UBXN10: variants seen among roughly 807,000 people sequenced by gnomAD.
UBXN10 encodes the protein UBX domain-containing protein 10.
A neutral mutation model predicts 6.9 loss-of-function variants in UBXN10; 6 were observed. The ratio of observed to expected loss-of-function variants is 0.87; its 90% CI spans 0.48 to 1.72. UBXN10 has a LOEUF of 1.72. Ranked by LOEUF, UBXN10 falls within the 40% of genes most tolerant of loss-of-function variation. The pLI, the probability that UBXN10 is intolerant of heterozygous loss-of-function variation, is 0.01. For missense variants in UBXN10, 317 were observed against 348.4 expected, an observed-to-expected ratio of 0.91 and a Z score of 0.72; for synonymous variants, 131 against 135.2, an observed-to-expected ratio of 0.97 and a Z score of 0.21.
upstream of UBXN10, among the ~76,000 whole-genome samples, chr1:20,183,677 T>C (rs973758507): frequency 2.6e-5 from 4 of 152,030 alleles, no homozygotes; most frequent in Admixed American, 2.0e-4. Flanking sequence ...GGAAAGGGCT[T>C]CACGGAAGAG....
At chr1:20,186,807 T>A (rs1205020146) in intron 1 of UBXN10, among the ~76,000 whole-genome samples, 2 of 149,940 alleles carry the variant, frequency 1.3e-5, no homozygotes, top group African/African-American at 2.5e-5. Flanking sequence ...GAACTGGGAA[T>A]GGTACCAGAG....
Position 20,191,395 on chromosome 1 carries a change from G to A in UBXN10, c.834G>A (p.Gly278=). ...GCATCTCACTGGAAGATGGGGAAGGGTGGCCCTGAGTCCACAGCCACCCAG... is the reference window on the plus strand; with the variant it reads ...GCATCTCACTGGAAGATGGGGAAGGATGGCCCTGAGTCCACAGCCACCCAG... ...VLGISLEDGE[G]WP The change falls in exon 2 of 2, where the codon GGG becomes GGA. Residue 278 remains glycine (G), a synonymous_variant. Transcript: ENST00000375099. The surrounding 1 kb of genome is among the most constrained non-coding windows in gnomAD (Gnocchi z 4.5). 6.2e-7 allele frequency: 1 copy of A among 1,608,496 alleles called. No homozygotes were observed. The highest frequency in any genetic ancestry group is 2.2e-5 in the East Asian group (1 of 44,748).
At chr1:20,184,127 A>G (rs1258191420), upstream of UBXN10, 1 of 152,206 alleles carries the variant, frequency 6.6e-6, no homozygotes, top group Non-Finnish European at 1.5e-5. Context: ...CGTTAACTGC[A>G]TGTACTGCTG....
At chr1:20,186,441 G>C (rs991878971) in intron 1 of UBXN10, 22 of 152,420 alleles carry the variant, frequency 1.4e-4, no homozygotes, top group African/African-American at 4.8e-4. Flanking sequence ...TCCAGGCTGG[G>C]ATGTAGCGAC....
intron 1 of UBXN10, among the ~76,000 whole-genome samples, chr1:20,186,676 C>T (rs538576614): frequency 1.3e-4 from 20 of 152,364 alleles, no homozygotes; most frequent in African/African-American, 4.1e-4. Context: ...CACCACCTCC[C>T]TGCCCTTCTG....
In UBXN10 at chr1:20,194,955, A is replaced by G. The variant is rs1037072536; in HGVS notation, c.*3551A>G. 5 of 167,232 alleles carry G rather than the reference A, an allele frequency of 3.0e-5. No individual in the cohort carries two copies. In the East Asian group the frequency reaches 5.8e-4, roughly 19 times the overall value. 10.4% of individuals were successfully genotyped at this position (167,232 alleles called of 1,614,324 possible). On this transcript the variant is annotated 3_prime_UTR_variant, in exon 2 of 2. Transcript: ENST00000375099. ...CGAGCCTATTGACTCTCATCCAGAA[A>G]CCAGAACCAACCAAACCCCACCATA...
In UBXN10 at chr1:20,192,575, C is replaced by T; in HGVS notation, c.*1171C>T. Reference sequence around the variant, plus strand: ...GTGGACAGTTTGCCAATGTTCTCTTCTATTGCAAGTTCAGCCAGACTCCAT... The same window carrying T: ...GTGGACAGTTTGCCAATGTTCTCTTTTATTGCAAGTTCAGCCAGACTCCAT... On this transcript the variant is annotated 3_prime_UTR_variant, in exon 2 of 2. Coordinates refer to ENST00000375099, the MANE Select transcript of UBXN10 (RefSeq NM_152376.5). 6.0e-6 allele frequency: 1 copy of T among 167,230 alleles called. No individual in the cohort carries two copies. The allele number at this position is 167,230 out of a possible 1,614,324, so 10.4% of individuals were successfully genotyped here. A position where few individuals can be genotyped will look rare whatever the true frequency, so the allele number is the denominator to read the frequency against.
In UBXN10 at chr1:20,190,661, A is replaced by T. The variant is rs1231023159; in HGVS notation, c.100A>T (p.Met34Leu). Reference sequence around the variant, plus strand: ...CATTTGGCAGCCAAACTCACTAAATATGCACATGATAAGGCCCAAGTCCGC... The same window carrying T: ...CATTTGGCAGCCAAACTCACTAAATTTGCACATGATAAGGCCCAAGTCCGC... Reference protein sequence around the residue: ...SLIWQPNSLNMHMIRPKSAKG... With the variant: ...SLIWQPNSLNLHMIRPKSAKG... The change falls in exon 2 of 2, where the codon ATG becomes TTG. Residue 34 changes from methionine to leucine, a missense_variant. Coordinates refer to ENST00000375099, the MANE Select transcript of UBXN10 (RefSeq NM_152376.5). 1 of 1,612,466 alleles carries T rather than the reference A, an allele frequency of 6.2e-7. No homozygotes were observed. The highest frequency in any genetic ancestry group is 8.5e-7 in the Non-Finnish European group (1 of 1,179,908).
chr1:20,186,902 G>A (rs76269240), intron 1 of UBXN10, among the ~76,000 whole-genome samples: 14 of 152,132 alleles, frequency 9.2e-5, no homozygotes, highest in Non-Finnish European at 1.9e-4. Flanking sequence ...GTGTGGGTTG[G>A]GGGGGGCGGG....
Position 20,191,057 on chromosome 1 carries a change from C to G in UBXN10, c.496C>G (p.Arg166Gly). ...MKTSEEDSRA[R>G]ACAVERKFIV... ...GACAAGTGAAGAAGATTCCAGAGCTCGAGCTTGTGCCGTGGAGAGGAAATT... is the reference window on the plus strand; with the variant it reads ...GACAAGTGAAGAAGATTCCAGAGCTGGAGCTTGTGCCGTGGAGAGGAAATT... Residue 166 changes from arginine to glycine, a missense_variant, in exon 2 of 2, where the codon CGA becomes GGA. Coordinates refer to ENST00000375099, the MANE Select transcript of UBXN10 (RefSeq NM_152376.5). The surrounding 1 kb of genome is among the most constrained non-coding windows in gnomAD (Gnocchi z 4.5). 2.5e-6 allele frequency: 4 copies of G among 1,614,038 alleles called. No homozygotes were observed. Among genetic ancestry groups the G allele is most frequent in the Non-Finnish European group, 2.5e-6 (3 of 1,180,028 alleles).
At chr1:20,184,161 CTGTGCACTGGCAAAGGCGCGCGTG>C (rs2018322185), upstream of UBXN10, 1 of 151,758 alleles carries the variant, frequency 6.6e-6, no homozygotes, top group African/African-American at 2.4e-5. Context: ...CGCCATTTCA[CTGTGCACTGGCAAAGGCGCGCGTG>C]CGTGCGCACA....
At chr1:20,186,518 G>A (rs975986483) in intron 1 of UBXN10, 4 of 152,332 alleles carry the variant, frequency 2.6e-5, no homozygotes, top group African/African-American at 7.2e-5. Context: ...GAGAACCAGA[G>A]GGCCCCTCCC....
At chr1:20,186,773 T>C (rs751328258) in intron 1 of UBXN10, among the ~76,000 whole-genome samples, 3 of 152,108 alleles carry the variant, frequency 2.0e-5, no homozygotes, top group Non-Finnish European at 4.4e-5. Context: ...TAGGACAGTG[T>C]ATTCTAATCC....
At chr1:20,185,951 T>G (rs1399646339), upstream of UBXN10, 1 of 152,160 alleles carries the variant, frequency 6.6e-6, no homozygotes, top group African/African-American at 2.4e-5. Flanking sequence ...AGGCTCGCAA[T>G]CCACCGACCT....
Position 20,190,526 on chromosome 1 carries a change from GT to G in UBXN10, c.-15-14del, listed in dbSNP as rs759647828. The G allele has an allele frequency of 2.5e-6, 4 of 1,582,366 alleles. No homozygotes were observed. In the South Asian group the frequency reaches 3.4e-5, roughly 14 times the overall value. On this transcript the variant is annotated intron_variant, in intron 1 of 1. Transcript: ENST00000375099. ...CAGGAAGTTTAACCCACGGACTCCTGTTTTTTTCCTGCTTCCTTAGGGGTCT... is the reference window on the plus strand; with the variant it reads ...CAGGAAGTTTAACCCACGGACTCCTGTTTTTTCCTGCTTCCTTAGGGGTCT...
chr1:20,190,601 T>G lies in UBXN10; in HGVS notation c.40T>G (p.Cys14Gly), dbSNP rs2018475253. Residue 14 changes from cysteine to glycine, a missense_variant, in exon 2 of 2, where the codon TGT becomes GGT. By Grantham distance (159) the Cys-to-Gly change is radical. Transcript: ENST00000375099. ...CCCTGTGAATATAGCACCACCTGAG[T>G]GTAGCACTGTTGTCAGCACAGCAGT... Reference protein sequence around the residue: ...EAPVNIAPPECSTVVSTAVDS... With the variant: ...EAPVNIAPPEGSTVVSTAVDS... 1 of 1,614,062 alleles carries G rather than the reference T, an allele frequency of 6.2e-7. No individual in the cohort carries two copies. Among genetic ancestry groups the G allele is most frequent in the Non-Finnish European group, 8.5e-7 (1 of 1,180,012 alleles).
intron 1 of UBXN10, among the ~76,000 whole-genome samples, chr1:20,188,662 G>A (rs909796792): frequency 6.6e-6 from 1 of 152,284 alleles, no homozygotes; most frequent in African/African-American, 2.4e-5. Flanking sequence ...ATCAACTCGG[G>A]ATTTTATTTT....
At chr1:20,184,499 A>C (rs2018332702), upstream of UBXN10, 1 of 152,294 alleles carries the variant, frequency 6.6e-6, no homozygotes, top group Admixed American at 6.5e-5. Flanking sequence ...CAACCCAAAG[A>C]AGAGGCCTGG....
rs759647828 is a variant in UBXN10 at position 20,190,526 on chromosome 1, G to GT, written c.-15-14dup. ...CAGGAAGTTTAACCCACGGACTCCT[G>GT]TTTTTTTCCTGCTTCCTTAGGGGTC... On this transcript the variant is annotated intron_variant, in intron 1 of 1. Coordinates refer to ENST00000375099, the MANE Select transcript of UBXN10 (RefSeq NM_152376.5). The GT allele has an allele frequency of 8.5e-5, 134 of 1,582,366 alleles. 2 individuals carry two copies. Among genetic ancestry groups the GT allele is most frequent in the East Asian group, 4.7e-4 (21 of 44,468 alleles).
Sources: gnomAD v4.1 joint callset for allele counts (sites outside exome capture counted in the v4.1 genomes callset) on GRCh38, gnomAD v4.1.1 for gene constraint, Gnocchi (gnomAD v3.1) non-coding constraint, MANE v1.5 for transcripts, NCBI Gene and HGNC (gene_info 2026-07-23, HGNC 2026-07-21) for gene names.